Variants in NAALADL2 observed in about 807,000 individuals in gnomAD.
NAALADL2 encodes inactive N-acetylated-alpha-linked acidic dipeptidase-like protein 2.
NAALADL2 carries 76 observed loss-of-function variants against 87.2 expected under a neutral mutation model. The observed-to-expected ratio is 0.87, with a 90% CI of 0.72 to 1.05. The LOEUF is 1.05. Among genes scored for constraint, NAALADL2 ranks in the 50% least tolerant of loss-of-function variants. The pLI is 0.00. For synonymous variants in NAALADL2, 354 were observed against 331.0 expected (o/e 1.07, Z -0.75); for missense variants, 1,089 against 945.8 (o/e 1.15, Z -1.99).
At chr3:175,311,653 T>TC (rs1203901722) in intron 4 of NAALADL2, among the ~76,000 whole-genome samples, 2 of 132,274 alleles carry the variant, frequency 1.5e-5, no homozygotes, top group East Asian at 4.8e-4. Context: ...CCTCTCTCCC[T>TC]CCCTCCCTTC....
chr3:175,713,403 C>T (rs984710079), intron 11 of NAALADL2, among the ~76,000 whole-genome samples: 1 of 152,070 alleles, frequency 6.6e-6, no homozygotes, highest in African/African-American at 2.4e-5. Context: ...GTGATTCATA[C>T]ATTTTTGTTA....
intron 1 of NAALADL2, among the ~76,000 whole-genome samples, chr3:174,981,705 A>T (rs1470474547): frequency 6.6e-6 from 1 of 151,904 alleles, no homozygotes; most frequent in African/African-American, 2.4e-5. Context: ...GACTTAAAAT[A>T]TTTTTTTTCT....
chr3:175,656,116 G>C (rs540425342), intron 11 of NAALADL2, among the ~76,000 whole-genome samples: 1 of 152,248 alleles, frequency 6.6e-6, no homozygotes, highest in Non-Finnish European at 1.5e-5. Context: ...CTTAAGTCTA[G>C]TATACTATTA....
At chr3:175,724,605 T>C (rs1742689427) in intron 11 of NAALADL2, among the ~76,000 whole-genome samples, 1 of 152,112 alleles carries the variant, frequency 6.6e-6, no homozygotes, top group Non-Finnish European at 1.5e-5. Flanking sequence ...TGTAATTGCA[T>C]ACAGTAAGGG....
intron 5 of NAALADL2, among the ~76,000 whole-genome samples, chr3:175,442,137 G>A (rs987678809): frequency 2.6e-5 from 4 of 151,934 alleles, no homozygotes; most frequent in Non-Finnish European, 2.9e-5. Context: ...TAGAGATGGG[G>A]TTTCACCATG....
chr3:175,112,027 AATG>A (rs1263508844), intron 2 of NAALADL2, among the ~76,000 whole-genome samples: 1 of 151,662 alleles, frequency 6.6e-6, no homozygotes, highest in Non-Finnish European at 1.5e-5. Flanking sequence ...TATAGCTAAT[AATG>A]GTCCCATCTT....
At chr3:175,279,314 C>A (rs1047933591) in intron 4 of NAALADL2, among the ~76,000 whole-genome samples, 1 of 152,100 alleles carries the variant, frequency 6.6e-6, no homozygotes, top group Admixed American at 6.5e-5. Context: ...ATTCTAGCAA[C>A]GGCTCTAGGA....
intron 3 of NAALADL2, among the ~76,000 whole-genome samples, chr3:174,805,366 C>G (rs1166092606): frequency 2.6e-5 from 4 of 152,058 alleles, no homozygotes; most frequent in African/African-American, 9.7e-5. Context: ...TCTAAGGAAG[C>G]AACTATTTTT....
intron 2 of NAALADL2, among the ~76,000 whole-genome samples, chr3:175,183,053 A>ATT (rs59735054): frequency 5.3e-5 from 8 of 151,336 alleles, no homozygotes; most frequent in Middle Eastern, 6.8e-3. Context: ...GAACTTTAAG[A>ATT]TTTTTTTTCC....
At chr3:174,831,556 G>T (rs1397233779) in intron 3 of NAALADL2, among the ~76,000 whole-genome samples, 1 of 149,634 alleles carries the variant, frequency 6.7e-6, no homozygotes. Context: ...CAAGGATATT[G>T]GTCTAAAATT....
intron 4 of NAALADL2, among the ~76,000 whole-genome samples, chr3:175,318,096 C>T (rs1202466393): frequency 2.0e-5 from 3 of 151,818 alleles, no homozygotes; most frequent in Non-Finnish European, 4.4e-5. Flanking sequence ...GTCAGGGATT[C>T]GTTAAATAAC....
intron 3 of NAALADL2, among the ~76,000 whole-genome samples, chr3:174,753,508 T>A (rs2109046708): frequency 6.6e-6 from 1 of 152,362 alleles, no homozygotes; most frequent in East Asian, 1.9e-4. Flanking sequence ...GCTTTAATTC[T>A]TTTGGTTTCT....
At chr3:175,547,774 C>A (rs1325075402) in intron 9 of NAALADL2, among the ~76,000 whole-genome samples, 2 of 151,172 alleles carry the variant, frequency 1.3e-5, no homozygotes, top group Admixed American at 6.6e-5. Flanking sequence ...AGAAGACATA[C>A]ATGTGACCAA....
At position 174,557,901 on chromosome 3, in the gene NAALADL2, A is replaced by C. The variant is rs112213520; in HGVS notation, c.-115+7264A>C. 4.3e-3 allele frequency among the ~76,000 whole-genome samples: 654 copies of C among 152,256 alleles called. 7 individuals carry two copies. Among genetic ancestry groups the C allele is most frequent in the Admixed American group, 0.033 (511 of 15,286 alleles). ...CTTCTAGCGGAGTCAAACAGGAAGC[A>C]CTTAATTCCTCCAGCAATGATTTGT... On this transcript the variant is annotated intron_variant, in intron 2 of 3. Coordinates refer to the NAALADL2 transcript ENST00000434257.
chr3:175,658,532 A>G (rs1337910676), intron 11 of NAALADL2, among the ~76,000 whole-genome samples: 5 of 152,154 alleles, frequency 3.3e-5, no homozygotes, highest in Admixed American at 3.3e-4. Context: ...TTTAATGGGT[A>G]AAATATGCAA....
At chr3:175,296,236 G>A (rs568506611) in intron 4 of NAALADL2, among the ~76,000 whole-genome samples, 2 of 152,226 alleles carry the variant, frequency 1.3e-5, no homozygotes. Flanking sequence ...ATGTGTTAAA[G>A]TAAATGGCCA....
intron 1 of NAALADL2, among the ~76,000 whole-genome samples, chr3:174,860,576 C>T (rs1174906951): frequency 6.6e-6 from 1 of 151,966 alleles, no homozygotes; most frequent in Non-Finnish European, 1.5e-5. Context: ...TATGGGAAGC[C>T]TCTAGTTTGT....
At chr3:175,640,117 T>C (rs1041666525) in intron 11 of NAALADL2, among the ~76,000 whole-genome samples, 45 of 152,322 alleles carry the variant, frequency 3.0e-4, no homozygotes, top group African/African-American at 1.1e-3. Flanking sequence ...AGAAAGGTTA[T>C]TGCTTTTTTG....
chr3:174,737,994 T>G (rs1733379775), intron 3 of NAALADL2, among the ~76,000 whole-genome samples: 1 of 152,204 alleles, frequency 6.6e-6, no homozygotes, highest in South Asian at 2.1e-4. Flanking sequence ...GCTGTTGAAA[T>G]TGGTACAGTC....
Sources: gnomAD v4.1 joint callset for allele counts (sites outside exome capture counted in the v4.1 genomes callset) on GRCh38, gnomAD v4.1.1 for gene constraint, MANE v1.5 for transcripts, NCBI Gene and HGNC (gene_info 2026-07-23, HGNC 2026-07-21) for gene names.